GRAP2: variants seen among roughly 807,000 people sequenced by gnomAD.
The protein encoded by GRAP2 is GRB2 related adaptor protein 2.
Under a neutral mutation model 43.5 loss-of-function variants are expected in GRAP2, and 31 were observed. The observed-to-expected ratio is 0.71, with a 90% CI of 0.54 to 0.96. The LOEUF is 0.96. GRAP2 is among the 40% of genes least tolerant of loss of function. The pLI is 0.00. For missense variants in GRAP2, 371 were observed against 424.4 expected (o/e 0.87, Z 1.11); for synonymous variants, 156 against 164.8 (o/e 0.95, Z 0.41).
At chr22:39,907,377 A>G (rs1022480603) in intron 1 of GRAP2, among the ~76,000 whole-genome samples, 4 of 152,198 alleles carry the variant, frequency 2.6e-5, no homozygotes, top group African/African-American at 9.6e-5. Context: ...CATCCATCAT[A>G]AATCACCTGG....
At chr22:39,956,271 C>T (rs1400193309) in intron 3 of GRAP2, among the ~76,000 whole-genome samples, 1 of 151,532 alleles carries the variant, frequency 6.6e-6, no homozygotes, top group East Asian at 1.9e-4. Flanking sequence ...CATCCTCTCA[C>T]CTCAGCCTCC....
At chr22:39,935,475 G>A (rs963986620) in intron 1 of GRAP2, among the ~76,000 whole-genome samples, 4 of 152,096 alleles carry the variant, frequency 2.6e-5, no homozygotes, top group African/African-American at 9.7e-5. Flanking sequence ...AATACAAGAG[G>A]TGTTGAACCA....
At chr22:39,927,196 T>A (rs1436039041) in intron 1 of GRAP2, among the ~76,000 whole-genome samples, 1 of 152,204 alleles carries the variant, frequency 6.6e-6, no homozygotes, top group African/African-American at 2.4e-5. Flanking sequence ...TATCCCCACT[T>A]ACCTTCTCTG....
intron 1 of GRAP2, among the ~76,000 whole-genome samples, chr22:39,912,060 A>G (rs2066571064): frequency 1.3e-5 from 2 of 152,232 alleles, no homozygotes; most frequent in African/African-American, 4.8e-5. Context: ...CTTAGTTAAA[A>G]TGTTACCAGA....
At chr22:39,969,569 A>G (rs2067216858) in intron 7 of GRAP2, 36 bp downstream of exon 7, 1 of 1,608,312 alleles carries the variant, frequency 6.2e-7, no homozygotes, top group Admixed American at 1.7e-5. Flanking sequence ...TCCCTGGGGA[A>G]AGGCCTTGGG....
At chr22:39,916,371 T>TTG (rs2066602721) in intron 1 of GRAP2, among the ~76,000 whole-genome samples, 1 of 152,216 alleles carries the variant, frequency 6.6e-6, no homozygotes, top group Non-Finnish European at 1.5e-5. Flanking sequence ...AGGTTGGTCT[T>TTG]CAATTTGGAA....
At chr22:39,920,710 AC>A (rs2066641790) in intron 1 of GRAP2, among the ~76,000 whole-genome samples, 1 of 151,922 alleles carries the variant, frequency 6.6e-6, no homozygotes, top group Non-Finnish European at 1.5e-5. Context: ...TGACTCTCCA[AC>A]CCCCAGAGTA....
intron 1 of GRAP2, among the ~76,000 whole-genome samples, chr22:39,909,084 C>A (rs1297358391): frequency 6.6e-6 from 1 of 152,228 alleles, no homozygotes; most frequent in Non-Finnish European, 1.5e-5. Context: ...AACAATATCT[C>A]ATTTGTACAA....
chr22:39,921,133 A>T (rs1234912442), intron 1 of GRAP2, among the ~76,000 whole-genome samples: 2 of 152,196 alleles, frequency 1.3e-5, no homozygotes, highest in African/African-American at 4.8e-5. Context: ...CTCCATCCCC[A>T]GACAGAGGTC....
chr22:39,895,754 A>G, the GRAP2 span, among the ~76,000 whole-genome samples: 1 of 152,226 alleles, frequency 6.6e-6, no homozygotes, highest in Non-Finnish European at 1.5e-5. Context: ...TTGTAGTTTA[A>G]TACTCTAATA....
At position 39,965,987 on chromosome 22, in the gene GRAP2, C is replaced by T; in HGVS notation, c.291-3C>T. 1.2e-6 allele frequency: 2 copies of T among 1,612,862 alleles called. No individual in the cohort carries two copies. Among genetic ancestry groups the T allele is most frequent in the Non-Finnish European group, 1.7e-6 (2 of 1,178,816 alleles). ...TACAATTTTGTTTTGCCTTGATCTCCAGGCATGAGGATGACGTTCAACACT... is the reference window on the plus strand; with the variant it reads ...TACAATTTTGTTTTGCCTTGATCTCTAGGCATGAGGATGACGTTCAACACT... On this transcript the variant is annotated splice_region_variant and splice_polypyrimidine_tract_variant and intron_variant, in intron 4 of 7. Coordinates refer to ENST00000344138, the MANE Select transcript of GRAP2 (RefSeq NM_004810.4).
intron 1 of GRAP2, among the ~76,000 whole-genome samples, chr22:39,910,417 C>CT (rs540674345): frequency 1.5e-4 from 23 of 150,780 alleles, no homozygotes; most frequent in South Asian, 1.3e-3. Context: ...TTCTTTTTTT[C>CT]TTTTTTTTTG....
intron 1 of GRAP2, among the ~76,000 whole-genome samples, chr22:39,925,234 C>G (rs1273082165): frequency 6.6e-6 from 1 of 152,180 alleles, no homozygotes; most frequent in East Asian, 1.9e-4. Flanking sequence ...ATTAATTGGA[C>G]ATGTTTCAGA....
chr22:39,932,813 T>G (rs1480980529), intron 1 of GRAP2, among the ~76,000 whole-genome samples: 1 of 152,172 alleles, frequency 6.6e-6, no homozygotes, highest in East Asian at 1.9e-4. Flanking sequence ...AGATGGATAT[T>G]CCACATATTC....
chr22:39,965,669 T>G (rs560504824), intron 4 of GRAP2, among the ~76,000 whole-genome samples: 1 of 152,378 alleles, frequency 6.6e-6, no homozygotes, highest in South Asian at 2.1e-4. Context: ...TGAAAAGGTC[T>G]TTGATCTCTT....
chr22:39,946,438 C>T (rs2066923272), intron 1 of GRAP2, among the ~76,000 whole-genome samples: 2 of 152,208 alleles, frequency 1.3e-5, no homozygotes, highest in African/African-American at 4.8e-5. Flanking sequence ...ACTATTTTAA[C>T]TCAATTCAAA....
chr22:39,915,560 C>T (rs2066596891), intron 1 of GRAP2, among the ~76,000 whole-genome samples: 1 of 152,188 alleles, frequency 6.6e-6, no homozygotes, highest in Non-Finnish European at 1.5e-5. Context: ...TTTATTCCAG[C>T]TTCTGCTTCT....
At chr22:39,893,851 T>C in the GRAP2 span, 8 of 152,424 alleles carry the variant, frequency 5.2e-5, no homozygotes, top group South Asian at 2.1e-4. Flanking sequence ...AGCAAGATGG[T>C]TGCAGATACC....
At chr22:39,965,647 G>A (rs1350167966) in intron 4 of GRAP2, among the ~76,000 whole-genome samples, 1 of 152,184 alleles carries the variant, frequency 6.6e-6, no homozygotes. Context: ...GACATCTTGC[G>A]AATAAACATT....
Sources: allele counts gnomAD v4.1 joint callset (sites outside exome capture counted in the v4.1 genomes callset), GRCh38; gene constraint gnomAD v4.1.1; transcripts MANE v1.5; gene names NCBI Gene and HGNC (gene_info 2026-07-23, HGNC 2026-07-21).